ATP7A: variants seen among roughly 807,000 people sequenced by gnomAD.
ATP7A encodes the protein copper-transporting ATPase 1.
ATP7A carries 7 observed loss-of-function variants against 83.5 expected under a neutral mutation model. That is an observed-to-expected ratio of 0.08 (90% CI 0.05 to 0.16). The LOEUF is 0.16. ATP7A is among the 10% of genes least tolerant of loss of function. The probability of loss-of-function intolerance (pLI) is 1.00; values close to 1 mark genes in which losing one functional copy is unlikely to be tolerated. For synonymous variants in ATP7A, 354 were observed against 395.2 expected (o/e 0.90, Z 1.24); for missense variants, 940 against 1,120.8 (o/e 0.84, Z 2.30).
At chrX:77,966,332 A>G (rs182457039) in intron 1 of ATP7A, among the ~76,000 whole-genome samples, 139 of 112,314 alleles carry the variant, frequency 1.2e-3, no homozygotes, top group African/African-American at 3.0e-3. Flanking sequence ...AGCAGTAAAT[A>G]TTCGTAAGTT....
At chrX:77,991,927 G>A (rs1479440226) in intron 4 of ATP7A, among the ~76,000 whole-genome samples, 2 of 110,036 alleles carry the variant, frequency 1.8e-5, no homozygotes, top group African/African-American at 6.6e-5. Flanking sequence ...GCGGGCTAAG[G>A]TGGGAGGATT....
intron 1 of ATP7A, among the ~76,000 whole-genome samples, chrX:77,948,124 C>G (rs1461241190): frequency 2.8e-5 from 3 of 107,035 alleles, no homozygotes; most frequent in Non-Finnish European, 5.8e-5. Context: ...TTCATTCATT[C>G]GTTCATTCAT....
In ATP7A at chrX:78,042,116, C is replaced by CA. The variant is rs1156427861; in HGVS notation, c.3802-449dup. On this transcript the variant is annotated intron_variant, in intron 19 of 22. Coordinates refer to ENST00000341514, the MANE Select transcript of ATP7A (RefSeq NM_000052.7). ...TGGGTGACAGAGCAAGACTCTGTCT[C>CA]AAAAAAAAAAAAAAAAAAAAGTTAC... Among the ~76,000 whole-genome samples, 440 of 51,795 alleles carry CA rather than the reference C, an allele frequency of 8.5e-3. 5 individuals carry two copies. Among genetic ancestry groups the CA allele is most frequent in the African/African-American group, 9.6e-3 (147 of 15,349 alleles). 45.0% of individuals were successfully genotyped at this position (51,795 alleles called of 115,157 possible).
intron 1 of ATP7A, among the ~76,000 whole-genome samples, chrX:77,966,175 A>G (rs1310433556): frequency 8.9e-6 from 1 of 112,518 alleles, no homozygotes; most frequent in Non-Finnish European, 1.9e-5. Context: ...AGAATGTTTT[A>G]AAACTGGTGT....
chrX:78,021,258 A>T (rs1234928409), intron 14 of ATP7A, among the ~76,000 whole-genome samples, 179 bp downstream of exon 14: 1 of 111,730 alleles, frequency 9.0e-6, no homozygotes, highest in Non-Finnish European at 1.9e-5. Context: ...TGGAAAAAAA[A>T]TTTTATTATG....
At chrX:77,956,703 T>C (rs1344394385) in intron 1 of ATP7A, among the ~76,000 whole-genome samples, 1 of 109,088 alleles carries the variant, frequency 9.2e-6, no homozygotes, top group African/African-American at 3.4e-5. Context: ...TTAAACCTTT[T>C]TTCTTTATCA....
chrX:77,962,259 G>A (rs782506918), intron 1 of ATP7A, among the ~76,000 whole-genome samples: 27 of 111,693 alleles, frequency 2.4e-4, no homozygotes, highest in Non-Finnish European at 4.7e-4. Context: ...CTTCAGCTAT[G>A]ACAGGAAATA....
At chrX:78,028,906 A>G (rs2077964477) in intron 14 of ATP7A, among the ~76,000 whole-genome samples, 1 of 112,334 alleles carries the variant, frequency 8.9e-6, no homozygotes, top group Admixed American at 9.4e-5. Flanking sequence ...GTTTTACTCT[A>G]CAGAGATTGA....
intron 2 of ATP7A, among the ~76,000 whole-genome samples, chrX:77,982,792 A>G (rs2077612018): frequency 8.9e-6 from 1 of 111,892 alleles, no homozygotes; most frequent in Non-Finnish European, 1.9e-5. Flanking sequence ...TCCTTGGGCA[A>G]TTTATTCAAT....
chrX:78,039,269 G>A (rs1644535775), intron 18 of ATP7A, among the ~76,000 whole-genome samples: 1 of 111,479 alleles, frequency 9.0e-6, no homozygotes, highest in African/African-American at 3.3e-5. Flanking sequence ...AATAATATTC[G>A]TAATCCCATC....
At chrX:77,990,925 A>T (rs2149083910) in intron 4 of ATP7A, among the ~76,000 whole-genome samples, 1 of 112,352 alleles carries the variant, frequency 8.9e-6, no homozygotes, top group South Asian at 3.6e-4. Context: ...ATTTTACTAA[A>T]CACATGTCTA....
At chrX:78,018,077 C>A (rs1557235365) in intron 12 of ATP7A, among the ~76,000 whole-genome samples, 2 of 108,089 alleles carry the variant, frequency 1.9e-5, no homozygotes, top group African/African-American at 6.7e-5. Flanking sequence ...CGCCCGGCCA[C>A]CACCCATCTC....
At position 78,047,291 on chromosome X, in the gene ATP7A, C is replaced by G. The variant is rs2078089126; in HGVS notation, c.*721C>G. 8.9e-6 allele frequency: 1 copy of G among 111,812 alleles called. No homozygotes were observed. The highest frequency in any genetic ancestry group is 1.9e-5 in the Non-Finnish European group (1 of 53,142). The allele number at this position is 111,812 out of a possible 1,213,427, so 9.2% of individuals were successfully genotyped here. On this transcript the variant is annotated 3_prime_UTR_variant, in exon 23 of 23. Transcript: ENST00000341514. Reference sequence around the variant, plus strand: ...TTTTTAAATTTTGTAGCTCAAAAGACCTTAAAGGTCTGTAGGGTTCCCTGC... The same window carrying G: ...TTTTTAAATTTTGTAGCTCAAAAGAGCTTAAAGGTCTGTAGGGTTCCCTGC...
At chrX:78,037,980 GTTTTTTTTTTTT>G (rs782643561) in intron 17 of ATP7A, among the ~76,000 whole-genome samples, 3 of 51,220 alleles carry the variant, frequency 5.9e-5, no homozygotes, top group African/African-American at 1.0e-4. Context: ...ATCAAGAAAG[GTTTTTTTTTTTT>G]TTTTTTTTTT....
intron 1 of ATP7A, among the ~76,000 whole-genome samples, chrX:77,945,842 C>T (rs1557226126): frequency 9.0e-6 from 1 of 111,255 alleles, no homozygotes; most frequent in Non-Finnish European, 1.9e-5. Context: ...AAAGGTGTAA[C>T]ATAAAATAAA....
chrX:78,032,860 G>A (rs1226481782), intron 16 of ATP7A, among the ~76,000 whole-genome samples: 3 of 111,437 alleles, frequency 2.7e-5, no homozygotes, highest in Non-Finnish European at 3.8e-5. Context: ...AAAAAGCTAG[G>A]AAACAATGAG....
In ATP7A at chrX:77,988,600, G is replaced by C. The variant is rs782116062; in HGVS notation, c.479G>C (p.Cys160Ser). ...ACACTGGAGAAAAAGTCAGGAGCTT[G>C]TGAAGATCATAGTATGGCTCAAGCT... ...TGTLEKKSGA[C>S]EDHSMAQAGE... The change falls in exon 3 of 23, where the codon TGT (cysteine) becomes TCT (serine). Residue 160 changes from cysteine to serine, a missense_variant. Physicochemically the swap from Cys to Ser is moderately radical, Grantham distance 112. This residue lies in a region of ATP7A where 350 missense variants were observed against 432.8 expected (regional missense o/e 0.81). Coordinates refer to ENST00000341514, the MANE Select transcript of ATP7A (RefSeq NM_000052.7). 6 of 1,210,090 alleles carry C rather than the reference G, an allele frequency of 5.0e-6. No individual in the cohort carries two copies. In the East Asian group the frequency reaches 1.8e-4, roughly 36 times the overall value.
intron 2 of ATP7A, among the ~76,000 whole-genome samples, chrX:77,974,069 C>T (rs1310701546): frequency 9.1e-6 from 1 of 110,428 alleles, no homozygotes; most frequent in African/African-American, 3.3e-5. Flanking sequence ...GGAACGTAGC[C>T]AAACTGACTT....
At chrX:78,036,024 A>G (rs782643187) in intron 17 of ATP7A, among the ~76,000 whole-genome samples, 63 of 112,190 alleles carry the variant, frequency 5.6e-4, no homozygotes, top group African/African-American at 2.0e-3. Flanking sequence ...GCACAGTGAC[A>G]AATAGGAAAT....
Sources: gnomAD v4.1 joint callset for allele counts (sites outside exome capture counted in the v4.1 genomes callset) on GRCh38, gnomAD v4.1.1 for gene constraint, gnomAD v4.1.1 regional missense constraint, MANE v1.5 for transcripts, NCBI Gene and HGNC (gene_info 2026-07-23, HGNC 2026-07-21) for gene names.